NAA11: variants seen among roughly 807,000 people sequenced by gnomAD.
The protein encoded by NAA11 is N-alpha-acetyltransferase 11.
Under a neutral mutation model 16.1 loss-of-function variants are expected in NAA11, and 15 were observed. The ratio of observed to expected loss-of-function variants is 0.93; its 90% CI spans 0.62 to 1.44. NAA11 has a LOEUF of 1.44. Ranked by LOEUF, NAA11 falls within the 40% of genes most tolerant of loss-of-function variation. The probability of loss-of-function intolerance (pLI) is 0.00; values close to 1 mark genes in which losing one functional copy is unlikely to be tolerated. For synonymous variants in NAA11, 122 were observed against 112.4 expected, an observed-to-expected ratio of 1.09 and a Z score of -0.54; for missense variants, 298 against 291.3, an observed-to-expected ratio of 1.02 and a Z score of -0.17.
At chr4:79,312,951 G>A (rs1723822154), downstream of NAA11, among the ~76,000 whole-genome samples, 1 of 152,100 alleles carries the variant, frequency 6.6e-6, no homozygotes, top group African/African-American at 2.4e-5. Flanking sequence ...GAGAGTAAAA[G>A]GTAACTTTTA....
At chr4:79,305,330 C>G (rs1285252848) in intron 1 of NAA11, 7 of 152,206 alleles carry the variant, frequency 4.6e-5, no homozygotes, top group African/African-American at 1.7e-4. Flanking sequence ...ACTCCTAATA[C>G]TATACTGCCT....
At chr4:79,261,380 CAG>C (rs1350530423) in intron 2 of NAA11, among the ~76,000 whole-genome samples, 1 of 152,206 alleles carries the variant, frequency 6.6e-6, no homozygotes, top group African/African-American at 2.4e-5. Context: ...TGTGAATTTT[CAG>C]AGAGTTGTAT....
intron 2 of NAA11, among the ~76,000 whole-genome samples, chr4:79,290,255 G>C (rs1315043160): frequency 3.9e-5 from 6 of 152,128 alleles, no homozygotes; most frequent in Non-Finnish European, 8.8e-5. Flanking sequence ...GGGGAGATGG[G>C]AGGAAGATAC....
intron 2 of NAA11, among the ~76,000 whole-genome samples, chr4:79,268,808 G>A (rs1190676638): frequency 4.0e-5 from 6 of 149,784 alleles, no homozygotes; most frequent in Admixed American, 1.3e-4. Context: ...CCACTAACTC[G>A]TTATCTAGCA....
chr4:79,274,835 G>A (rs903546607), intron 2 of NAA11, among the ~76,000 whole-genome samples: 12 of 152,072 alleles, frequency 7.9e-5, no homozygotes, highest in African/African-American at 2.9e-4. Context: ...GCTCACATAG[G>A]GATCACAACT....
the NAA11 span, among the ~76,000 whole-genome samples, chr4:79,163,225 G>C: frequency 6.6e-6 from 1 of 152,174 alleles, no homozygotes; most frequent in Non-Finnish European, 1.5e-5. Flanking sequence ...TTGGGTCCTA[G>C]CTATGTGAAC....
At chr4:79,196,307 G>A in the NAA11 span, among the ~76,000 whole-genome samples, 1 of 151,952 alleles carries the variant, frequency 6.6e-6, no homozygotes, top group Non-Finnish European at 1.5e-5. Flanking sequence ...GACACCCAGA[G>A]AGGATTAATA....
the NAA11 span, among the ~76,000 whole-genome samples, chr4:79,218,298 A>G: frequency 6.6e-6 from 1 of 151,210 alleles, no homozygotes; most frequent in Non-Finnish European, 1.5e-5. Context: ...CATATTCCCC[A>G]TTTTTGTACT....
At chr4:79,307,759 C>T (rs899993384) in intron 1 of NAA11, among the ~76,000 whole-genome samples, 1 of 152,176 alleles carries the variant, frequency 6.6e-6, no homozygotes, top group Admixed American at 6.5e-5. Context: ...TTGATAAGAA[C>T]AATTTTGCAC....
intron 2 of NAA11, among the ~76,000 whole-genome samples, chr4:79,252,996 GT>G (rs1722029590): frequency 1.3e-5 from 2 of 152,320 alleles, no homozygotes; most frequent in South Asian, 4.1e-4. Context: ...AAAGTGAGAG[GT>G]GATAATGGCT....
At chr4:79,297,191 G>A (rs557324894) in intron 1 of NAA11, among the ~76,000 whole-genome samples, 20 of 152,322 alleles carry the variant, frequency 1.3e-4, no homozygotes, top group East Asian at 5.8e-4. Flanking sequence ...AACTGGCCCC[G>A]GAGTGGTGCT....
chr4:79,323,448 G>A (rs1313151667), intron 1 of NAA11, among the ~76,000 whole-genome samples: 1 of 151,888 alleles, frequency 6.6e-6, no homozygotes. Flanking sequence ...GCACTTTGGG[G>A]GGCTGAGGCA....
At chr4:79,157,480 A>G in the NAA11 span, among the ~76,000 whole-genome samples, 1 of 151,778 alleles carries the variant, frequency 6.6e-6, no homozygotes, top group Non-Finnish European at 1.5e-5. Context: ...CATATGATGG[A>G]ATATATATAT....
chr4:79,290,874 G>A (rs897212560), intron 2 of NAA11, among the ~76,000 whole-genome samples: 5 of 151,050 alleles, frequency 3.3e-5, no homozygotes, highest in Admixed American at 1.3e-4. Context: ...AACTGAAAAG[G>A]GTATTTTTCT....
intron 2 of NAA11, among the ~76,000 whole-genome samples, chr4:79,287,948 T>A (rs1343371857): frequency 6.6e-6 from 1 of 152,210 alleles, no homozygotes. Context: ...GATTTTATTT[T>A]ATATGTCAGG....
At chr4:79,175,421 G>A in the NAA11 span, among the ~76,000 whole-genome samples, 2 of 152,102 alleles carry the variant, frequency 1.3e-5, no homozygotes, top group Non-Finnish European at 2.9e-5. Context: ...GCAGAAAGTT[G>A]TGGAGCTAAG....
chr4:79,280,883 G>C (rs186227963), intron 2 of NAA11, among the ~76,000 whole-genome samples: 2 of 152,162 alleles, frequency 1.3e-5, no homozygotes, highest in East Asian at 3.9e-4. Context: ...GGAAAGCCTT[G>C]AAAGACAGAT....
chr4:79,283,996 G>T (rs1460076412), intron 2 of NAA11, among the ~76,000 whole-genome samples: 2 of 148,586 alleles, frequency 1.3e-5, no homozygotes, highest in Non-Finnish European at 2.9e-5. Context: ...ATGAATGAAT[G>T]AAGTGATTGA....
intron 2 of NAA11, among the ~76,000 whole-genome samples, chr4:79,288,305 G>A (rs146341477): frequency 7.7e-4 from 117 of 152,162 alleles, no homozygotes; most frequent in African/African-American, 2.0e-3. Context: ...CTGCACAGAC[G>A]CATTTCACAC....
Sources: allele counts gnomAD v4.1 joint callset (sites outside exome capture counted in the v4.1 genomes callset), GRCh38; gene constraint gnomAD v4.1.1; transcripts MANE v1.5; gene names NCBI Gene and HGNC (gene_info 2026-07-23, HGNC 2026-07-21).